The following KIAA1549L variants were observed in gnomAD, a reference collection of about 807,000 sequenced individuals.
KIAA1549L encodes the protein KIAA1549 like, also known as UPF0606 protein KIAA1549L.
A neutral mutation model predicts 160.7 loss-of-function variants in KIAA1549L; 88 were observed. The observed-to-expected ratio is 0.55, with a 90% CI of 0.46 to 0.65. KIAA1549L has a LOEUF of 0.65. KIAA1549L is among the 30% of genes least tolerant of loss of function. The pLI is 0.00. For synonymous variants in KIAA1549L, 950 were observed against 976.7 expected, an observed-to-expected ratio of 0.97 and a Z score of 0.51; for missense variants, 2,258 against 2,437.5, an observed-to-expected ratio of 0.93 and a Z score of 1.55.
chr11:33,627,185 C>T (rs947342663), intron 16 of KIAA1549L, among the ~76,000 whole-genome samples: 1 of 124,406 alleles, frequency 8.0e-6, no homozygotes, highest in African/African-American at 3.1e-5. Context: ...ATTTTTGCAT[C>T]AATGTTCATC....
At chr11:33,459,385 C>A (rs1240731873) in intron 1 of KIAA1549L, among the ~76,000 whole-genome samples, 1 of 152,288 alleles carries the variant, frequency 6.6e-6, no homozygotes, top group East Asian at 1.9e-4. Flanking sequence ...AATGATTGCA[C>A]ATGTGGATCC....
intron 1 of KIAA1549L, among the ~76,000 whole-genome samples, chr11:33,425,813 TCTC>T (rs1452766457): frequency 1.3e-5 from 2 of 152,218 alleles, no homozygotes; most frequent in African/African-American, 4.8e-5. Context: ...GTCAACATGT[TCTC>T]CTTATTTTGA....
intron 1 of KIAA1549L, among the ~76,000 whole-genome samples, chr11:33,481,357 CT>C (rs1852408169): frequency 1.3e-5 from 2 of 152,122 alleles, no homozygotes; most frequent in Non-Finnish European, 2.9e-5. Context: ...TTATTTTAGG[CT>C]AGTGGTACAT....
At chr11:33,609,022 CA>C (rs1343365620) in intron 14 of KIAA1549L, among the ~76,000 whole-genome samples, 7 of 152,368 alleles carry the variant, frequency 4.6e-5, no homozygotes, top group Admixed American at 4.6e-4. Context: ...GTGACATTCT[CA>C]TCACTTGTTA....
chr11:33,582,090 T>A (rs1855664172), intron 10 of KIAA1549L, among the ~76,000 whole-genome samples: 1 of 152,228 alleles, frequency 6.6e-6, no homozygotes, highest in South Asian at 2.1e-4. Context: ...ATATAAATAC[T>A]GAATTACTAA....
At position 33,647,484 on chromosome 11, in the gene KIAA1549L, C is replaced by T. The variant is rs545390662; in HGVS notation, c.5760+1448C>T. On this transcript the variant is annotated intron_variant, in intron 17 of 20. Coordinates refer to ENST00000658780, the MANE Select transcript of KIAA1549L (RefSeq NM_012194.3). Reference sequence around the variant, plus strand: ...AATGACTGAAAGCTTCTGTAATTTACACTTGATCTTTGTATCACAAAAACC... The same window carrying T: ...AATGACTGAAAGCTTCTGTAATTTATACTTGATCTTTGTATCACAAAAACC... Among the ~76,000 whole-genome samples the T allele has an allele frequency of 1.1e-4, 16 of 151,604 alleles. No individual in the cohort carries two copies. The South Asian group carries it at 3.3e-3, about 32-fold the overall frequency.
In KIAA1549L at chr11:33,478,790, G is replaced by A. The variant is rs111974123; in HGVS notation, c.239-63012G>A. On this transcript the variant is annotated intron_variant, in intron 1 of 20. Coordinates refer to ENST00000658780, the MANE Select transcript of KIAA1549L (RefSeq NM_012194.3). The stretch of plus-strand genomic sequence containing the variant: ...TCTTGCTCTGTGGCCAGGCTGGAGC[G>A]CAGTGGCACGATCTCGGCTCACTGC... 8.3e-3 allele frequency among the ~76,000 whole-genome samples: 1,258 copies of A among 152,188 alleles called. 19 individuals are homozygous for A. Among genetic ancestry groups the A allele is most frequent in the African/African-American group, 0.029 (1,200 of 41,530 alleles).
chr11:33,510,145 C>CAT (rs1565163749), intron 1 of KIAA1549L, among the ~76,000 whole-genome samples: 1 of 152,058 alleles, frequency 6.6e-6, no homozygotes, highest in Non-Finnish European at 1.5e-5. Flanking sequence ...CACTCTCTCT[C>CAT]TCATGTCTCT....
In KIAA1549L at chr11:33,568,130, G is replaced by T; in HGVS notation, c.4133G>T (p.Arg1378Leu). 6.2e-7 allele frequency: 1 copy of T among 1,612,966 alleles called. No individual in the cohort carries two copies. Among genetic ancestry groups the T allele is most frequent in the Non-Finnish European group, 8.5e-7 (1 of 1,179,530 alleles). Reference sequence around the variant, plus strand: ...GGCCTGCACAACCAGAGCTTTGCCCGGGTCATGGAGCAGCGCCTGGCCCAG... The same window carrying T: ...GGCCTGCACAACCAGAGCTTTGCCCTGGTCATGGAGCAGCGCCTGGCCCAG... The part of the protein sequence containing the change: ...LVGLHNQSFA[R>L]VMEQRLAQLF... Residue 1378 changes from arginine to leucine, a missense_variant, in exon 9 of 21, where the codon CGG becomes CTG. By Grantham distance (102) the Arg-to-Leu change is moderately radical (BLOSUM62 -2). Transcript: ENST00000658780.
At chr11:33,636,349 CTTT>C (rs71034697) in intron 16 of KIAA1549L, among the ~76,000 whole-genome samples, 8 of 136,112 alleles carry the variant, frequency 5.9e-5, no homozygotes, top group Admixed American at 1.5e-4. Context: ...AATGAATCTT[CTTT>C]TTTTTTTTTT....
intron 15 of KIAA1549L, among the ~76,000 whole-genome samples, chr11:33,614,681 C>T (rs1468765723): frequency 1.5e-4 from 20 of 132,278 alleles, no homozygotes; most frequent in African/African-American, 3.4e-4. Flanking sequence ...GGCGCTATCT[C>T]GGCTCACTGC....
intron 20 of KIAA1549L, among the ~76,000 whole-genome samples, chr11:33,667,366 A>C (rs1207878244): frequency 6.6e-6 from 1 of 152,252 alleles, no homozygotes; most frequent in East Asian, 1.9e-4. Context: ...AATTCATCCA[A>C]ACAGTATATC....
At chr11:33,476,758 C>T (rs1852294141) in intron 1 of KIAA1549L, among the ~76,000 whole-genome samples, 1 of 152,208 alleles carries the variant, frequency 6.6e-6, no homozygotes. Flanking sequence ...TAGAGGGGCA[C>T]AAAAATGTGC....
rs1854045962 is a variant in KIAA1549L at position 33,542,304 on chromosome 11, A to G, written c.741A>G (p.Pro247=). ...SDIPPLLPLP[P]SSSLAPDSPH... is the part of the protein sequence containing the mutation. The stretch of plus-strand genomic sequence containing the variant: ...TTCCCCCACTCCTCCCTCTACCTCC[A>G]TCCTCTTCATTGGCTCCTGACTCAC... The change falls in exon 2 of 21, where the codon CCA becomes CCG. Residue 247 remains proline (P), a synonymous_variant. Coordinates refer to ENST00000658780, the MANE Select transcript of KIAA1549L (RefSeq NM_012194.3). 1 of 649,814 alleles carries G rather than the reference A, an allele frequency of 1.5e-6. No homozygotes were observed. Among genetic ancestry groups the G allele is most frequent in the Non-Finnish European group, 2.8e-6 (1 of 363,458 alleles). The allele number at this position is 649,814 out of a possible 1,614,324, so 40.3% of individuals were successfully genotyped here. A position where few individuals can be genotyped will look rare whatever the true frequency, so the allele number is the denominator to read the frequency against.
chr11:33,658,178 T>C (rs1413139227), intron 18 of KIAA1549L, among the ~76,000 whole-genome samples: 1 of 152,214 alleles, frequency 6.6e-6, no homozygotes, highest in Non-Finnish European at 1.5e-5. Flanking sequence ...ATTCTCTGAT[T>C]GCCCGGGGAA....
intron 1 of KIAA1549L, among the ~76,000 whole-genome samples, chr11:33,540,541 C>T (rs1295392705): frequency 2.0e-5 from 3 of 152,148 alleles, no homozygotes; most frequent in Non-Finnish European, 4.4e-5. Flanking sequence ...AAGCAGCATC[C>T]ACCTTCTGTG....
intron 1 of KIAA1549L, among the ~76,000 whole-genome samples, chr11:33,464,877 C>T (rs1425675425): frequency 6.6e-6 from 1 of 151,748 alleles, no homozygotes. Context: ...TTTTTTAGCC[C>T]TGCATCTTCT....
intron 1 of KIAA1549L, among the ~76,000 whole-genome samples, chr11:33,442,017 T>A (rs1315264340): frequency 1.3e-5 from 2 of 151,994 alleles, no homozygotes; most frequent in Non-Finnish European, 2.9e-5. Flanking sequence ...CTGAATGGTA[T>A]TGCCTAGGTT....
intron 1 of KIAA1549L, among the ~76,000 whole-genome samples, chr11:33,431,283 G>C (rs557072674): frequency 4.2e-4 from 64 of 152,260 alleles, no homozygotes; most frequent in Non-Finnish European, 8.4e-4. Context: ...AAGGGGACCC[G>C]AGCGGATTGC....
Sources: allele counts gnomAD v4.1 joint callset (sites outside exome capture counted in the v4.1 genomes callset), GRCh38; gene constraint gnomAD v4.1.1; transcripts MANE v1.5; gene names NCBI Gene and HGNC (gene_info 2026-07-23, HGNC 2026-07-21).